NFIX: variants seen among roughly 807,000 people sequenced by gnomAD.
The protein encoded by NFIX is nuclear factor I X.
In NFIX, 2 loss-of-function variants were observed where a neutral mutation model predicts 53.3. That is an observed-to-expected ratio of 0.04 (90% CI 0.02 to 0.12). The LOEUF (loss-of-function observed/expected upper bound fraction) is 0.12, where lower values mean the gene tolerates loss of function less well. Among genes scored for constraint, NFIX ranks in the 10% least tolerant of loss-of-function variants. The probability of loss-of-function intolerance (pLI) is 1.00; values close to 1 mark genes in which losing one functional copy is unlikely to be tolerated. For missense variants in NFIX, 310 were observed against 674.5 expected (o/e 0.46, Z 5.99); for synonymous variants, 244 against 289.0 (o/e 0.84, Z 1.58).
At chr19:13,015,292 A>G (rs751271621) in intron 1 of NFIX, among the ~76,000 whole-genome samples, 12 of 152,072 alleles carry the variant, frequency 7.9e-5, no homozygotes, top group Admixed American at 7.2e-4. Context: ...TTAAAATTAT[A>G]AAGTAAATTT....
Position 13,078,610 on chromosome 19 carries a change from C to A in NFIX, c.956-3C>A, listed in dbSNP as rs1303326568. 4 of 1,599,222 alleles carry A rather than the reference C, an allele frequency of 2.5e-6. No homozygotes were observed. Among genetic ancestry groups the A allele is most frequent in the South Asian group, 1.1e-5 (1 of 87,916 alleles). On this transcript the variant is annotated splice_region_variant and splice_polypyrimidine_tract_variant and intron_variant, in intron 6 of 10. Coordinates refer to ENST00000592199, the MANE Select transcript of NFIX (RefSeq NM_001365902.3). The surrounding 1 kb of genome is among the most constrained non-coding windows in gnomAD (Gnocchi z 4.7). ...GCCCTGTGTTGCTGCTTCCTCCCCC[C>A]AGGCCCGGCTTCTCTAAAGAAGTCA...
chr19:13,087,916 C>T (rs1034225162), intron 8 of NFIX, 73 bp from the exon 9 acceptor site: 23 of 1,515,420 alleles, frequency 1.5e-5, no homozygotes, highest in Admixed American at 6.0e-5. Context: ...AGCGAGCTGG[C>T]GCGGCCGCGC....
rs1188968406 is a variant in NFIX, at chr19:13,089,069, C to T, written c.1402+933C>T. Among the ~76,000 whole-genome samples, 7 of 152,098 alleles carry T rather than the reference C, an allele frequency of 4.6e-5. No homozygotes were observed. The South Asian group carries it at 8.3e-4, about 18-fold the overall frequency. On this transcript the variant is annotated intron_variant, in intron 9 of 10. Transcript: ENST00000592199. This position sits in a 1 kb window ranked among gnomAD's most constrained non-coding sequence, Gnocchi z 4.8. ...GGCCCATCTCACACTGCTCTCCGCT[C>T]GCTTTGTCTCTCCTCCTTTCTCGTG...
At chr19:13,065,358 C>T (rs779814491) in intron 2 of NFIX, among the ~76,000 whole-genome samples, 18 of 152,192 alleles carry the variant, frequency 1.2e-4, no homozygotes, top group Admixed American at 2.6e-4. Flanking sequence ...TCAATCTCTT[C>T]TGCTCTGATG....
Position 13,067,620 on chromosome 19 carries a change from A to G in NFIX, c.560-5427A>G, listed in dbSNP as rs1398820754. On this transcript the variant is annotated intron_variant, in intron 2 of 10. Transcript: ENST00000592199. The surrounding 1 kb of genome is among the most constrained non-coding windows in gnomAD (Gnocchi z 4.2). Reference sequence around the variant, plus strand: ...AATCTGTGCACACCCCTCAGCCTCCATAAAACTTGTTAGGCCAAAGTCCGT... The same window carrying G: ...AATCTGTGCACACCCCTCAGCCTCCGTAAAACTTGTTAGGCCAAAGTCCGT... 6.6e-6 allele frequency among the ~76,000 whole-genome samples: 1 copy of G among 152,140 alleles called. No individual in the cohort carries two copies. The highest frequency in any genetic ancestry group is 2.4e-5 in the African/African-American group (1 of 41,414).
In NFIX at chr19:13,049,945, T is replaced by C. The variant is rs2015228090; in HGVS notation, c.560-23102T>C. On this transcript the variant is annotated intron_variant, in intron 2 of 10. Coordinates refer to ENST00000592199, the MANE Select transcript of NFIX (RefSeq NM_001365902.3). This position sits in a 1 kb window ranked among gnomAD's most constrained non-coding sequence, Gnocchi z 4.5. ...AATTGTATGGCTGTGCCACATTTTGTTTATCCATTCATACATTGATGGATA... is the reference window on the plus strand; with the variant it reads ...AATTGTATGGCTGTGCCACATTTTGCTTATCCATTCATACATTGATGGATA... Among the ~76,000 whole-genome samples the C allele has an allele frequency of 6.6e-6, 1 of 152,256 alleles. No individual in the cohort carries two copies. The highest frequency in any genetic ancestry group is 2.1e-4 in the South Asian group (1 of 4,836).
chr19:13,077,190 C>T (rs574391030), intron 6 of NFIX, among the ~76,000 whole-genome samples: 2 of 152,216 alleles, frequency 1.3e-5, no homozygotes, highest in African/African-American at 4.8e-5. Flanking sequence ...CTCCTGGGCT[C>T]CTGTGCCCAG....
chr19:13,094,516 C>T lies in NFIX; in HGVS notation c.1495-119C>T, dbSNP rs1259084978. 7.8e-6 allele frequency: 8 copies of T among 1,025,406 alleles called. No individual in the cohort carries two copies. The highest frequency in any genetic ancestry group is 5.3e-5 in the East Asian group (2 of 37,790). 63.5% of individuals were successfully genotyped at this position (1,025,406 alleles called of 1,614,324 possible). On this transcript the variant is annotated intron_variant, in intron 10 of 10. Coordinates refer to ENST00000592199, the MANE Select transcript of NFIX (RefSeq NM_001365902.3). The surrounding 1 kb of genome is among the most constrained non-coding windows in gnomAD (Gnocchi z 4.3). ...GGGAACAAGGTGGGTGGTGGCTGCC[C>T]GGCACCCTGGCTCTTTGGGAGCTGG...
rs1354787546 is a variant in NFIX, at chr19:13,072,263, T to TCA, written c.560-774_560-773dup. ...GGCTTTCCCAAGCTCAGCAAAATATTCACACACACACTCCACCCTGCCCCC... is the reference window on the plus strand; with the variant it reads ...GGCTTTCCCAAGCTCAGCAAAATATTCACACACACACACTCCACCCTGCCCCC... On this transcript the variant is annotated intron_variant, in intron 2 of 10. Coordinates refer to ENST00000592199, the MANE Select transcript of NFIX (RefSeq NM_001365902.3). This position sits in a 1 kb window ranked among gnomAD's most constrained non-coding sequence, Gnocchi z 4.0. Among the ~76,000 whole-genome samples the TCA allele has an allele frequency of 6.6e-6, 1 of 152,054 alleles. No individual in the cohort carries two copies. Among genetic ancestry groups the TCA allele is most frequent in the Non-Finnish European group, 1.5e-5 (1 of 67,940 alleles).
intron 1 of NFIX, chr19:13,023,953 C>A (rs938091694): frequency 3.0e-5 from 35 of 1,152,146 alleles, no homozygotes; most frequent in Admixed American, 1.5e-4. Flanking sequence ...CCCCTCCCCC[C>A]ACCCGCCCCC....
chr19:13,015,794 A>G (rs985670724), intron 1 of NFIX, among the ~76,000 whole-genome samples: 2 of 138,452 alleles, frequency 1.4e-5, no homozygotes, highest in South Asian at 4.9e-4. Context: ...GAGAGATCAC[A>G]CACACACACA....
At chr19:13,015,922 C>T (rs2012641397) in intron 1 of NFIX, among the ~76,000 whole-genome samples, 1 of 152,194 alleles carries the variant, frequency 6.6e-6, no homozygotes, top group South Asian at 2.1e-4. Flanking sequence ...CGTGTATGCA[C>T]ATAGGTGTTT....
rs368049173 is a variant in NFIX, at chr19:13,071,643, T to G, written c.560-1404T>G. Among the ~76,000 whole-genome samples the G allele has an allele frequency of 5.6e-4, 86 of 152,384 alleles. No individual in the cohort carries two copies. In the South Asian group the frequency reaches 0.017, roughly 30 times the overall value. ...TTTTCTTGACTCGCTACAATAGTATTTATTTTTTGGAATTAAAAAATCAAA... is the reference window on the plus strand; with the variant it reads ...TTTTCTTGACTCGCTACAATAGTATGTATTTTTTGGAATTAAAAAATCAAA... On this transcript the variant is annotated intron_variant, in intron 2 of 10. Coordinates refer to ENST00000592199, the MANE Select transcript of NFIX (RefSeq NM_001365902.3).
chr19:13,050,927 C>T (rs2015290083), intron 2 of NFIX, among the ~76,000 whole-genome samples: 1 of 152,228 alleles, frequency 6.6e-6, no homozygotes, highest in South Asian at 2.1e-4. Flanking sequence ...GATGGCCTGT[C>T]CCTTCCGTCC....
intron 1 of NFIX, among the ~76,000 whole-genome samples, chr19:12,997,375 G>C (rs1599693306): frequency 6.6e-6 from 1 of 152,246 alleles, no homozygotes; most frequent in South Asian, 2.1e-4. Flanking sequence ...CAGGGAGCGG[G>C]TTTTCCTGTA....
chr19:13,075,443 C>A, intron 5 of NFIX, 92 bp from the exon 6 acceptor site: 1 of 1,389,474 alleles, frequency 7.2e-7, no homozygotes, highest in Admixed American at 2.3e-5. Context: ...CCCAGAGGGC[C>A]ATCTATGCAC....
Position 13,025,135 on chromosome 19 carries a change from A to C in NFIX, c.142A>C (p.Met48Leu), listed in dbSNP as rs758504284. The C allele has an allele frequency of 1.9e-6, 3 of 1,614,220 alleles. No individual in the cohort carries two copies. Among genetic ancestry groups the C allele is most frequent in the Non-Finnish European group, 2.5e-6 (3 of 1,180,026 alleles). The change falls in exon 2 of 11, where the codon ATG (methionine) becomes CTG (leucine). Residue 48 changes from methionine (M) to leucine (L), a missense_variant. Coordinates refer to ENST00000592199, the MANE Select transcript of NFIX (RefSeq NM_001365902.3). The surrounding 1 kb of genome is among the most constrained non-coding windows in gnomAD (Gnocchi z 7.5). ...RKYFKKHEKR[M>L]SKDEERAVKD... Reference sequence around the variant, plus strand: ...GTACTTCAAGAAGCATGAAAAGCGGATGTCGAAGGACGAGGAGCGGGCGGT... The same window carrying C: ...GTACTTCAAGAAGCATGAAAAGCGGCTGTCGAAGGACGAGGAGCGGGCGGT...
In NFIX at chr19:13,001,914, C is replaced by T. The variant is rs913758749; in HGVS notation, c.27+6050C>T. ...GGCCCCGCCCGTGCCCCTGGCCTGG[C>T]GTGGACAGAAGCCCGTTGTGCGGCA... On this transcript the variant is annotated intron_variant, in intron 1 of 10. Transcript: ENST00000592199. This position sits in a 1 kb window ranked among gnomAD's most constrained non-coding sequence, Gnocchi z 6.5. Among the ~76,000 whole-genome samples the T allele has an allele frequency of 1.3e-5, 2 of 152,238 alleles. No individual in the cohort carries two copies. Among genetic ancestry groups the T allele is most frequent in the African/African-American group, 2.4e-5 (1 of 41,460 alleles).
In NFIX at chr19:13,081,418, A is replaced by G. The variant is rs556596247; in HGVS notation, c.1079-262A>G. On this transcript the variant is annotated intron_variant, in intron 7 of 10. Coordinates refer to ENST00000592199, the MANE Select transcript of NFIX (RefSeq NM_001365902.3). This position sits in a 1 kb window ranked among gnomAD's most constrained non-coding sequence, Gnocchi z 4.7. ...CGCTGGTTGTGATCAAACTTTATTTACAAAAACAAATGGCTGGCCTTTGGA... is the reference window on the plus strand; with the variant it reads ...CGCTGGTTGTGATCAAACTTTATTTGCAAAAACAAATGGCTGGCCTTTGGA... Among the ~76,000 whole-genome samples the G allele has an allele frequency of 2.3e-4, 35 of 152,346 alleles. No homozygotes were observed. Among genetic ancestry groups the G allele is most frequent in the African/African-American group, 7.9e-4 (33 of 41,590 alleles).
Sources: gnomAD v4.1 joint callset for allele counts (sites outside exome capture counted in the v4.1 genomes callset) on GRCh38, gnomAD v4.1.1 for gene constraint, Gnocchi (gnomAD v3.1) non-coding constraint, MANE v1.5 for transcripts, NCBI Gene and HGNC (gene_info 2026-07-23, HGNC 2026-07-21) for gene names.